ZBTB24: variants seen among roughly 807,000 people sequenced by gnomAD.
ZBTB24 encodes the protein zinc finger and BTB domain containing 24.
A neutral mutation model predicts 53.8 loss-of-function variants in ZBTB24; 32 were observed. That is an observed-to-expected ratio of 0.60 (90% CI 0.45 to 0.80). The LOEUF (loss-of-function observed/expected upper bound fraction) is 0.80. ZBTB24 is among the 30% of genes least tolerant of loss of function. The pLI is 0.00. For missense variants in ZBTB24, 722 were observed against 837.1 expected (o/e 0.86, Z 1.70); for synonymous variants, 297 against 306.7 (o/e 0.97, Z 0.33).
At position 109,481,342 on chromosome 6, in the gene ZBTB24, CCTCT is replaced by C. The variant is rs1298382798; in HGVS notation, c.681_684del (p.Glu228ArgfsTer81). The C allele has an allele frequency of 1.2e-6, 2 of 1,614,104 alleles. No individual in the cohort carries two copies. Among genetic ancestry groups the C allele is most frequent in the Non-Finnish European group, 1.7e-6 (2 of 1,180,052 alleles). On this transcript the variant is annotated frameshift_variant, in exon 2 of 7. Transcript: ENST00000230122. LOFTEE classifies it high-confidence loss of function. The stretch of plus-strand genomic sequence containing the variant: ...TCATCTTTTTCAACTGGCATTTCCT[CCTCT>C]CTACTTGGCTCACAAGTAGGCTCCG...
chr6:109,476,299 T>A, intron 3 of ZBTB24, 41 bp from the exon 4 acceptor site: 1 of 1,607,426 alleles, frequency 6.2e-7, no homozygotes. Flanking sequence ...TAAAAAATTA[T>A]AAAGAACTGG....
At chr6:109,480,177 T>C (rs1010634404) in intron 2 of ZBTB24, among the ~76,000 whole-genome samples, 3 of 152,100 alleles carry the variant, frequency 2.0e-5, no homozygotes, top group African/African-American at 7.2e-5. Flanking sequence ...CAGCACCAGA[T>C]ACTGCTGGAT....
At chr6:109,480,822 T>G in intron 2 of ZBTB24, 1 of 570,424 alleles carries the variant, frequency 1.8e-6, no homozygotes, top group Non-Finnish European at 2.2e-6. Context: ...TAGAACTTGG[T>G]TGCTTCATCT....
intron 5 of ZBTB24, among the ~76,000 whole-genome samples, chr6:109,471,185 C>T (rs888255001): frequency 6.6e-6 from 1 of 152,236 alleles, no homozygotes; most frequent in African/African-American, 2.4e-5. Context: ...AAAAGGGACA[C>T]ATGTCCATGA....
At chr6:109,475,673 GAGCT>G (rs1169634102) in intron 4 of ZBTB24, among the ~76,000 whole-genome samples, 191 bp from the exon 5 acceptor site, 1 of 152,170 alleles carries the variant, frequency 6.6e-6, no homozygotes, top group Non-Finnish European at 1.5e-5. Flanking sequence ...TCCTCCAAGA[GAGCT>G]AGGATCCTTC....
rs1412120313 is a variant in ZBTB24, at chr6:109,466,129, T to C, written c.1816A>G (p.Ile606Val). Residue 606 changes from isoleucine to valine, a missense_variant, in exon 7 of 7, where the codon ATT becomes GTT. Coordinates refer to ENST00000230122, the MANE Select transcript of ZBTB24 (RefSeq NM_014797.3). ...TQQPEQLQNL[I>V]LSAQQEQTEH... ...GTTTGCTCCTGTTGAGCTGAAAGAA[T>C]TAAATTCTGCAGTTGCTCTGGCTGC... 2 of 1,614,262 alleles carry C rather than the reference T, an allele frequency of 1.2e-6. No individual in the cohort carries two copies. Among genetic ancestry groups the C allele is most frequent in the Admixed American group, 1.7e-5 (1 of 60,026 alleles).
chr6:109,478,947 A>G (rs1051171462), intron 2 of ZBTB24, among the ~76,000 whole-genome samples: 11 of 152,066 alleles, frequency 7.2e-5, no homozygotes, highest in South Asian at 2.1e-4. Flanking sequence ...AAACATTTAG[A>G]AAAAAAAGAG....
rs2232445 is a variant in ZBTB24, at chr6:109,467,638, T to A, written c.1370+15A>T. 7.1e-4 allele frequency: 1,152 copies of A among 1,614,022 alleles called. 1 individual carries two copies. The highest frequency in any genetic ancestry group is 8.9e-4 in the Non-Finnish European group (1,056 of 1,180,008). ...ATGAGGCCTCCATGCGAGAAAAATA[T>A]CTGCAAAACTTTACCGATGGATTCT... On this transcript the variant is annotated intron_variant, in intron 6 of 6. Transcript: ENST00000230122.
Position 109,464,845 on chromosome 6 carries a change from GAT to G in ZBTB24, c.*1004_*1005del, listed in dbSNP as rs1365742232. On this transcript the variant is annotated 3_prime_UTR_variant, in exon 7 of 7. Transcript: ENST00000230122. ...TTAGGAGAAGATATTCACTTTGTGG[GAT>G]TTAACTAGTCTGCAATAAAAATGAA... The G allele has an allele frequency of 6.6e-6, 1 of 152,156 alleles. No individual in the cohort carries two copies. The highest frequency in any genetic ancestry group is 1.5e-5 in the Non-Finnish European group (1 of 68,034). 9.4% of individuals were successfully genotyped at this position (152,156 alleles called of 1,614,324 possible).
In ZBTB24 at chr6:109,481,887, T is replaced by C. The variant is rs140297798; in HGVS notation, c.140A>G (p.His47Arg). 2.4e-5 allele frequency: 39 copies of C among 1,614,034 alleles called. No individual in the cohort carries two copies. Among genetic ancestry groups the C allele is most frequent in the Non-Finnish European group, 3.1e-5 (36 of 1,180,030 alleles). ...AAGTAAGGCTTTGTGGGCCCGGAAA[T>C]GTACATTCTCCACGATTAAAGTAAT... is the stretch of plus-strand genomic sequence containing the variant. ...CDITLIVENV[H>R]FRAHKALLAA... Residue 47 changes from histidine to arginine, a missense_variant, in exon 2 of 7, where the codon CAT becomes CGT. Transcript: ENST00000230122.
chr6:109,475,812 A>G (rs1475150387), intron 4 of ZBTB24, among the ~76,000 whole-genome samples: 1 of 152,332 alleles, frequency 6.6e-6, no homozygotes, highest in African/African-American at 2.4e-5. Flanking sequence ...GAAAAAGGAC[A>G]ACAGGTAGAA....
intron 6 of ZBTB24, 106 bp downstream of exon 6, chr6:109,467,547 G>T: frequency 6.3e-7 from 1 of 1,584,766 alleles, no homozygotes; most frequent in Non-Finnish European, 8.6e-7. Flanking sequence ...ACAAAATTCT[G>T]CAAAGTAACA....
In ZBTB24 at chr6:109,476,797, C is replaced by T. The variant is rs1169963860; in HGVS notation, c.1086G>A (p.Lys362=). ...GGCTCATGTGCTCCAGCAGTGAGTG[C>T]TTGGTGGTCAGAGCCTTGCTGCACA... ...CTVCSKALTT[K]HSLLEHMSLH... Residue 362 remains lysine (K), a synonymous_variant, in exon 3 of 7, where the codon AAG becomes AAA. Transcript: ENST00000230122. 2 of 1,613,958 alleles carry T rather than the reference C, an allele frequency of 1.2e-6. No homozygotes were observed. Among genetic ancestry groups the T allele is most frequent in the Middle Eastern group, 3.3e-4 (2 of 6,014 alleles).
At chr6:109,470,334 G>A (rs1217545534) in intron 5 of ZBTB24, among the ~76,000 whole-genome samples, 1 of 151,688 alleles carries the variant, frequency 6.6e-6, no homozygotes, top group African/African-American at 2.4e-5. Flanking sequence ...CACCCAGGGT[G>A]ATGTCAACGG....
intron 5 of ZBTB24, among the ~76,000 whole-genome samples, chr6:109,470,931 G>GT (rs539599788): frequency 1.2e-3 from 176 of 152,304 alleles, no homozygotes; most frequent in African/African-American, 4.1e-3. Context: ...GTGTACCATT[G>GT]TGTGTACTGC....
At chr6:109,474,180 G>C (rs1380282488) in intron 5 of ZBTB24, among the ~76,000 whole-genome samples, 1 of 151,850 alleles carries the variant, frequency 6.6e-6, no homozygotes, top group African/African-American at 2.4e-5. Flanking sequence ...ACCTGTAATG[G>C]CAAGTTTTTC....
intron 6 of ZBTB24, among the ~76,000 whole-genome samples, chr6:109,467,054 A>G (rs1004223156): frequency 1.8e-4 from 27 of 152,216 alleles, no homozygotes; most frequent in African/African-American, 6.5e-4. Flanking sequence ...GTGTAAACAA[A>G]AACATTTATT....
chr6:109,481,895 C>T lies in ZBTB24; in HGVS notation c.132G>A (p.Glu44=). 6.2e-7 allele frequency: 1 copy of T among 1,614,156 alleles called. No individual in the cohort carries two copies. Among genetic ancestry groups the T allele is most frequent in the Non-Finnish European group, 8.5e-7 (1 of 1,180,038 alleles). The change falls in exon 2 of 7, where the codon GAG becomes GAA. Residue 44 remains glutamate (E), a synonymous_variant. Coordinates refer to ENST00000230122, the MANE Select transcript of ZBTB24 (RefSeq NM_014797.3). Reference sequence around the variant, plus strand: ...CTTTGTGGGCCCGGAAATGTACATTCTCCACGATTAAAGTAATGTCACAGA... The same window carrying T: ...CTTTGTGGGCCCGGAAATGTACATTTTCCACGATTAAAGTAATGTCACAGA... The part of the protein sequence containing the change: ...GFLCDITLIV[E]NVHFRAHKAL...
chr6:109,473,719 C>T (rs1196346417), intron 5 of ZBTB24, among the ~76,000 whole-genome samples: 1 of 152,140 alleles, frequency 6.6e-6, no homozygotes, highest in Non-Finnish European at 1.5e-5. Flanking sequence ...AGTAAGTGCT[C>T]AGTACATGTG....
Sources: gnomAD v4.1 joint callset for allele counts (sites outside exome capture counted in the v4.1 genomes callset) on GRCh38, gnomAD v4.1.1 for gene constraint, MANE v1.5 for transcripts, NCBI Gene and HGNC (gene_info 2026-07-23, HGNC 2026-07-21) for gene names.